Variants in THRB observed in about 807,000 individuals in gnomAD.
THRB encodes the protein nuclear receptor subfamily 1 group A member 2.
In THRB, 12 loss-of-function variants were observed where a neutral mutation model predicts 47.8. The observed-to-expected ratio is 0.25, with a 90% CI of 0.16 to 0.41. The LOEUF (loss-of-function observed/expected upper bound fraction) is 0.41. THRB is among the 10% of genes least tolerant of loss of function. The probability of loss-of-function intolerance (pLI) is 1.00; values close to 1 mark genes in which losing one functional copy is unlikely to be tolerated. For missense variants in THRB, 348 were observed against 589.2 expected, an observed-to-expected ratio of 0.59 and a Z score of 4.24; for synonymous variants, 218 against 212.2, an observed-to-expected ratio of 1.03 and a Z score of -0.24.
intron 4 of THRB, among the ~76,000 whole-genome samples, chr3:24,227,764 G>A (rs751832468): frequency 6.6e-6 from 1 of 152,126 alleles, no homozygotes; most frequent in Non-Finnish European, 1.5e-5. Flanking sequence ...ATAGGGTGGG[G>A]AGGTGACATG....
chr3:24,479,959 GAA>G (rs1470384139), intron 1 of THRB, among the ~76,000 whole-genome samples: 5 of 152,186 alleles, frequency 3.3e-5, no homozygotes, highest in Non-Finnish European at 5.9e-5. Context: ...AGATTTTGGT[GAA>G]TAAATACCTA....
intron 8 of THRB, among the ~76,000 whole-genome samples, chr3:24,142,773 C>T (rs1014102473): frequency 6.6e-6 from 1 of 152,152 alleles, no homozygotes; most frequent in Non-Finnish European, 1.5e-5. Flanking sequence ...GCAGTGCGAT[C>T]CTGGGCAAGC....
chr3:24,151,793 G>C (rs2036982663), intron 6 of THRB, among the ~76,000 whole-genome samples: 1 of 152,220 alleles, frequency 6.6e-6, no homozygotes, highest in African/African-American at 2.4e-5. Context: ...AGTATTTCCT[G>C]CAGATAGGAC....
intron 2 of THRB, among the ~76,000 whole-genome samples, chr3:24,330,158 T>C (rs1365035765): frequency 6.6e-6 from 1 of 151,562 alleles, no homozygotes; most frequent in East Asian, 1.9e-4. Context: ...ACAAAAAAAA[T>C]TAGCCGGGCG....
intron 1 of THRB, among the ~76,000 whole-genome samples, chr3:24,408,090 C>A (rs2067978615): frequency 6.6e-6 from 1 of 151,720 alleles, no homozygotes; most frequent in Admixed American, 6.6e-5. Flanking sequence ...TCAGATTGAA[C>A]AACTGAATTT....
At chr3:24,259,861 T>C (rs909947065) in intron 3 of THRB, among the ~76,000 whole-genome samples, 1 of 152,248 alleles carries the variant, frequency 6.6e-6, no homozygotes, top group Non-Finnish European at 1.5e-5. Context: ...ATTAAATGTG[T>C]GTGTGTGTAT....
At chr3:24,274,693 G>A (rs564760103) in intron 3 of THRB, among the ~76,000 whole-genome samples, 22 of 152,190 alleles carry the variant, frequency 1.4e-4, no homozygotes, top group Middle Eastern at 6.8e-3. Flanking sequence ...CCTAGAAAAA[G>A]TGAAGGGAAG....
intron 1 of THRB, among the ~76,000 whole-genome samples, chr3:24,417,874 G>T (rs1036861610): frequency 1.3e-4 from 20 of 151,814 alleles, no homozygotes; most frequent in African/African-American, 4.4e-4. Flanking sequence ...GGGATTTAGA[G>T]GAATTAAGTA....
chr3:24,430,598 G>A (rs2070287633), intron 1 of THRB: 3 of 151,938 alleles, frequency 2.0e-5, no homozygotes, highest in Admixed American at 2.0e-4. Flanking sequence ...TTACTTCAGT[G>A]AAATCTTTAA....
chr3:24,476,602 AACATC>A (rs1695484640), intron 1 of THRB, among the ~76,000 whole-genome samples: 1 of 152,316 alleles, frequency 6.6e-6, no homozygotes, highest in Admixed American at 6.5e-5. Context: ...CCAATTTGGG[AACATC>A]CTGTGTCTCC....
chr3:24,168,490 A>AATATATATATATATATATATAT (rs370230507), intron 5 of THRB, among the ~76,000 whole-genome samples: 59 of 138,002 alleles, frequency 4.3e-4, no homozygotes, highest in African/African-American at 1.4e-3. Flanking sequence ...TTCAATCAAT[A>AATATATATATATATATATATAT]ATATATATAT....
At chr3:24,438,360 A>G (rs1430967634) in intron 1 of THRB, among the ~76,000 whole-genome samples, 3 of 152,190 alleles carry the variant, frequency 2.0e-5, no homozygotes, top group African/African-American at 7.2e-5. Flanking sequence ...GCAGTTAAAA[A>G]GAGAAAAAGA....
intron 1 of THRB, among the ~76,000 whole-genome samples, chr3:24,469,635 A>C (rs1232144350): frequency 6.6e-6 from 1 of 152,236 alleles, no homozygotes; most frequent in Non-Finnish European, 1.5e-5. Context: ...GGTGTTAGAT[A>C]CATGCAAAAA....
At chr3:24,179,844 A>G (rs1032979706) in intron 5 of THRB, among the ~76,000 whole-genome samples, 3 of 152,242 alleles carry the variant, frequency 2.0e-5, no homozygotes, top group Non-Finnish European at 2.9e-5. Context: ...AAAAAATCAT[A>G]GAACGGGCAT....
At chr3:24,434,884 C>T (rs1367841018) in intron 1 of THRB, among the ~76,000 whole-genome samples, 1 of 152,168 alleles carries the variant, frequency 6.6e-6, no homozygotes, top group Non-Finnish European at 1.5e-5. Flanking sequence ...TGCTATCAGT[C>T]TGTGCTTGCC....
chr3:24,135,195 C>T (rs2034461947), intron 8 of THRB, among the ~76,000 whole-genome samples: 1 of 152,194 alleles, frequency 6.6e-6, no homozygotes, highest in South Asian at 2.1e-4. Flanking sequence ...CCGCATATCT[C>T]CTGTTACTGC....
At chr3:24,327,688 G>A (rs1044325791) in intron 2 of THRB, among the ~76,000 whole-genome samples, 1 of 152,200 alleles carries the variant, frequency 6.6e-6, no homozygotes, top group Non-Finnish European at 1.5e-5. Context: ...ATGTGAAAAG[G>A]TGAAAGATGC....
At chr3:24,291,608 G>A (rs1235873911) in intron 3 of THRB, among the ~76,000 whole-genome samples, 1 of 152,112 alleles carries the variant, frequency 6.6e-6, no homozygotes, top group Non-Finnish European at 1.5e-5. Context: ...ATACTGTATT[G>A]TTTAGCAAAT....
intron 1 of THRB, among the ~76,000 whole-genome samples, chr3:24,405,500 C>G (rs2150123832): frequency 6.6e-6 from 1 of 151,960 alleles, no homozygotes; most frequent in South Asian, 2.1e-4. Context: ...AATCCAGTGT[C>G]TTTACTACAT....
Sources: gnomAD v4.1 joint callset for allele counts (sites outside exome capture counted in the v4.1 genomes callset) on GRCh38, gnomAD v4.1.1 for gene constraint, MANE v1.5 for transcripts, NCBI Gene and HGNC (gene_info 2026-07-23, HGNC 2026-07-21) for gene names.